Variants in SLC10A7 observed in about 807,000 individuals in gnomAD.
SLC10A7 encodes the protein solute carrier family 10 member 7.
In SLC10A7, 29 loss-of-function variants were observed where a neutral mutation model predicts 43.2. That is an observed-to-expected ratio of 0.67 (90% confidence interval 0.50 to 0.92). The LOEUF (loss-of-function observed/expected upper bound fraction) is 0.92. Among genes scored for constraint, SLC10A7 ranks in the 40% least tolerant of loss-of-function variants. SLC10A7 has a pLI of 0.00. For synonymous variants in SLC10A7, 152 were observed against 144.8 expected (o/e 1.05, Z -0.35); for missense variants, 295 against 403.2 (o/e 0.73, Z 2.30).
intron 5 of SLC10A7, among the ~76,000 whole-genome samples, chr4:146,341,550 T>C (rs1340474420): frequency 6.6e-6 from 1 of 151,770 alleles, no homozygotes; most frequent in East Asian, 1.9e-4. Context: ...CCATAATACA[T>C]CTCATTATTA....
chr4:146,269,534 G>T (rs1728770222), intron 10 of SLC10A7, among the ~76,000 whole-genome samples: 2 of 152,204 alleles, frequency 1.3e-5, no homozygotes, highest in South Asian at 4.1e-4. Context: ...CTCACAGGAT[G>T]TGAAAACATC....
At chr4:146,320,250 G>A (rs976014520) in intron 6 of SLC10A7, among the ~76,000 whole-genome samples, 1 of 152,090 alleles carries the variant, frequency 6.6e-6, no homozygotes, top group African/African-American at 2.4e-5. Flanking sequence ...AAGGTGAAGA[G>A]TTAAGAGTTC....
chr4:146,443,612 G>A (rs116737268), intron 4 of SLC10A7, among the ~76,000 whole-genome samples: 2,661 of 152,312 alleles, frequency 0.017, 67 homozygotes, highest in African/African-American at 0.061. Flanking sequence ...AAGGGGTAGA[G>A]AGAACCTATT....
chr4:146,298,602 G>C (rs935436550), intron 7 of SLC10A7, among the ~76,000 whole-genome samples: 1 of 152,096 alleles, frequency 6.6e-6, no homozygotes, highest in South Asian at 2.1e-4. Context: ...AATAAAAAGT[G>C]GTAGAATTTC....
intron 4 of SLC10A7, among the ~76,000 whole-genome samples, chr4:146,448,988 G>C (rs1443955623): frequency 6.6e-6 from 1 of 152,170 alleles, no homozygotes; most frequent in African/African-American, 2.4e-5. Flanking sequence ...CTCTCAAGTT[G>C]GGGTAGAGGG....
At chr4:146,439,897 T>C (rs1302030195) in intron 5 of SLC10A7, among the ~76,000 whole-genome samples, 1 of 152,148 alleles carries the variant, frequency 6.6e-6, no homozygotes, top group Non-Finnish European at 1.5e-5. Context: ...TTAAGAATAA[T>C]AAAATAAAAA....
chr4:146,404,922 A>T lies in SLC10A7; in HGVS notation c.435+37861T>A, dbSNP rs187587655. On this transcript the variant is annotated intron_variant, in intron 5 of 11. Transcript: ENST00000335472. ...TTGTTTGTACATTTCATGTGAAAAG[A>T]GCATAGGAATTATCTTTCTAGGTCA... 7.8e-4 allele frequency among the ~76,000 whole-genome samples: 119 copies of T among 152,332 alleles called. 1 individual carries two copies. Among genetic ancestry groups the T allele is most frequent in the African/African-American group, 2.7e-3 (113 of 41,584 alleles).
At chr4:146,445,847 C>G (rs1731006937) in intron 4 of SLC10A7, among the ~76,000 whole-genome samples, 1 of 151,942 alleles carries the variant, frequency 6.6e-6, no homozygotes, top group South Asian at 2.1e-4. Context: ...CCAGCCTCTT[C>G]TCCTCTGGTT....
At chr4:146,365,571 A>G (rs978489997) in intron 5 of SLC10A7, among the ~76,000 whole-genome samples, 4 of 152,236 alleles carry the variant, frequency 2.6e-5, no homozygotes, top group African/African-American at 9.6e-5. Flanking sequence ...CAATGCTTCA[A>G]TATTACTACA....
intron 7 of SLC10A7, among the ~76,000 whole-genome samples, chr4:146,303,463 C>T (rs1036210502): frequency 3.3e-5 from 5 of 151,280 alleles, no homozygotes; most frequent in South Asian, 2.1e-4. Flanking sequence ...CTGCAACCTC[C>T]GCCTCCCAGG....
At chr4:146,272,548 G>C (rs1173660290) in intron 10 of SLC10A7, among the ~76,000 whole-genome samples, 2 of 152,160 alleles carry the variant, frequency 1.3e-5, no homozygotes, top group Non-Finnish European at 2.9e-5. Flanking sequence ...GGAGCGGGCT[G>C]TCATTAAAGA....
At chr4:146,281,539 C>T (rs1262395187) in intron 10 of SLC10A7, among the ~76,000 whole-genome samples, 5 of 151,976 alleles carry the variant, frequency 3.3e-5, no homozygotes, top group African/African-American at 7.3e-5. Flanking sequence ...CAGGCTCATT[C>T]GATCCCTGCA....
intron 6 of SLC10A7, among the ~76,000 whole-genome samples, chr4:146,318,832 G>T (rs1052761956): frequency 6.6e-6 from 1 of 151,812 alleles, no homozygotes; most frequent in African/African-American, 2.4e-5. Flanking sequence ...AGCTGCTCAG[G>T]CCTGGAGTCA....
intron 4 of SLC10A7, among the ~76,000 whole-genome samples, chr4:146,493,406 A>G (rs997657610): frequency 6.6e-6 from 1 of 151,778 alleles, no homozygotes; most frequent in Non-Finnish European, 1.5e-5. Context: ...CCCATTTTCA[A>G]TGTTTATGTA....
At chr4:146,471,825 G>T (rs1733596372) in intron 4 of SLC10A7, among the ~76,000 whole-genome samples, 1 of 152,134 alleles carries the variant, frequency 6.6e-6, no homozygotes, top group Non-Finnish European at 1.5e-5. Flanking sequence ...ATTTGAACAG[G>T]TCTAGAGACA....
chr4:146,424,659 C>T (rs765705417), intron 5 of SLC10A7, among the ~76,000 whole-genome samples: 2 of 145,936 alleles, frequency 1.4e-5, no homozygotes, highest in Non-Finnish European at 1.5e-5. Flanking sequence ...GACTCCATCT[C>T]AGAAAAAAAC....
At chr4:146,300,427 T>C (rs1051955929) in intron 7 of SLC10A7, among the ~76,000 whole-genome samples, 3 of 152,314 alleles carry the variant, frequency 2.0e-5, no homozygotes, top group Non-Finnish European at 4.4e-5. Flanking sequence ...AAATGCAGCA[T>C]TGTTGTGTAC....
chr4:146,377,861 T>C (rs1737314766), intron 5 of SLC10A7, among the ~76,000 whole-genome samples: 1 of 152,168 alleles, frequency 6.6e-6, no homozygotes, highest in South Asian at 2.1e-4. Flanking sequence ...AAAAAAATAC[T>C]TTAAAATTGC....
chr4:146,405,861 T>C (rs1039457628), intron 5 of SLC10A7, among the ~76,000 whole-genome samples: 3 of 152,024 alleles, frequency 2.0e-5, no homozygotes, highest in Non-Finnish European at 4.4e-5. Flanking sequence ...TACAAGATGA[T>C]GCCTAATTTT....
Sources: gnomAD v4.1 joint callset for allele counts (sites outside exome capture counted in the v4.1 genomes callset) on GRCh38, gnomAD v4.1.1 for gene constraint, MANE v1.5 for transcripts, NCBI Gene and HGNC (gene_info 2026-07-23, HGNC 2026-07-21) for gene names.